KATNAL1: variants seen among roughly 807,000 people sequenced by gnomAD.
KATNAL1 encodes the protein katanin p60 ATPase-containing subunit A-like 1.
KATNAL1 carries 32 observed loss-of-function variants against 55.2 expected under a neutral mutation model. The ratio of observed to expected loss-of-function variants is 0.58; its 90% confidence interval spans 0.44 to 0.78. The LOEUF (loss-of-function observed/expected upper bound fraction) is 0.78. Among genes scored for constraint, KATNAL1 ranks in the 30% least tolerant of loss-of-function variants. KATNAL1 has a pLI of 0.00. For missense variants in KATNAL1, 466 were observed against 600.9 expected (o/e 0.78, Z 2.35); for synonymous variants, 193 against 193.6 (o/e 1.00, Z 0.02).
At chr13:30,212,953 T>A (rs1459870745) in intron 9 of KATNAL1, among the ~76,000 whole-genome samples, 1 of 152,046 alleles carries the variant, frequency 6.6e-6, no homozygotes, top group South Asian at 2.1e-4. Context: ...GGTGTCCTTA[T>A]AAGAAGAAGC....
At chr13:30,210,476 T>G in intron 9 of KATNAL1, 34 bp from the exon 10 acceptor site, 1 of 1,570,666 alleles carries the variant, frequency 6.4e-7, no homozygotes, top group Admixed American at 2.0e-5. Context: ...TGTTAGATGT[T>G]TTACTTTACA....
At position 30,301,420 on chromosome 13, in the gene KATNAL1, C is replaced by T. The variant is rs143869928; in HGVS notation, c.-15+5911G>A. Among the ~76,000 whole-genome samples the T allele has an allele frequency of 2.4e-3, 371 of 152,202 alleles. 2 individuals carry two copies. The highest frequency in any genetic ancestry group is 8.8e-3 in the African/African-American group (367 of 41,540). ...AAACTTTATCTAATTGCATAAATAC[C>T]CTTTTTAGCACAAAAATAATAGTAG... On this transcript the variant is annotated intron_variant, in intron 1 of 10. Coordinates refer to ENST00000380615, the MANE Select transcript of KATNAL1 (RefSeq NM_032116.5).
At chr13:30,284,952 A>T (rs1443681011) in intron 1 of KATNAL1, among the ~76,000 whole-genome samples, 2 of 152,226 alleles carry the variant, frequency 1.3e-5, no homozygotes, top group African/African-American at 4.8e-5. Context: ...TTGCCTTCTG[A>T]TTTCCAGGAA....
At chr13:30,295,055 T>C (rs1362885162) in intron 1 of KATNAL1, among the ~76,000 whole-genome samples, 3 of 152,258 alleles carry the variant, frequency 2.0e-5, no homozygotes, top group Admixed American at 1.3e-4. Context: ...AGCTCTGATG[T>C]AGATGTACAA....
intron 9 of KATNAL1, among the ~76,000 whole-genome samples, chr13:30,216,466 A>G (rs929517914): frequency 3.3e-5 from 5 of 152,196 alleles, no homozygotes; most frequent in African/African-American, 1.2e-4. Context: ...CCACAAACAC[A>G]CAGTGAGACC....
At chr13:30,263,859 GA>G (rs1879515942) in intron 3 of KATNAL1, among the ~76,000 whole-genome samples, 1 of 146,666 alleles carries the variant, frequency 6.8e-6, no homozygotes, top group Non-Finnish European at 1.5e-5. Flanking sequence ...TTTCTTCACA[GA>G]ATTGGAAAAA....
intron 4 of KATNAL1, among the ~76,000 whole-genome samples, chr13:30,243,841 C>T (rs568242150): frequency 6.6e-6 from 1 of 152,264 alleles, no homozygotes; most frequent in South Asian, 2.1e-4. Context: ...CCTGTAAAGC[C>T]ACTGCCTCTC....
chr13:30,259,026 C>T (rs1255710981), intron 3 of KATNAL1, among the ~76,000 whole-genome samples: 1 of 152,140 alleles, frequency 6.6e-6, no homozygotes, highest in African/African-American at 2.4e-5. Context: ...ATGAAAGGCA[C>T]TATGCTATAC....
chr13:30,233,420 A>G (rs1876307800), intron 6 of KATNAL1, among the ~76,000 whole-genome samples: 2 of 152,262 alleles, frequency 1.3e-5, no homozygotes, highest in South Asian at 2.1e-4. Context: ...ATCTCGCTCC[A>G]ATTAAAATGG....
In KATNAL1 at chr13:30,241,080, T is replaced by A; in HGVS notation, c.499A>T (p.Lys167Ter). The change falls in exon 5 of 11, where the codon AAG becomes TAG. Residue 167 changes from lysine (K) to a stop codon, truncating the protein, a stop_gained. Coordinates refer to ENST00000380615, the MANE Select transcript of KATNAL1 (RefSeq NM_032116.5). LOFTEE classifies it high-confidence loss of function. Reference protein sequence around the residue: ...RARGRDDKGRKNMQDGASDGE... With the variant: ...RARGRDDKGR Reference sequence around the variant, plus strand: ...TCACTTGCACCATCTTGCATATTCTTCCTTCCCTGGGGATAGGTATAAAAA... The same window carrying A: ...TCACTTGCACCATCTTGCATATTCTACCTTCCCTGGGGATAGGTATAAAAA... 1 of 1,612,652 alleles carries A rather than the reference T, an allele frequency of 6.2e-7. No homozygotes were observed. The highest frequency in any genetic ancestry group is 8.5e-7 in the Non-Finnish European group (1 of 1,179,646).
intron 3 of KATNAL1, among the ~76,000 whole-genome samples, chr13:30,274,891 A>ACGCGCG (rs138328965): frequency 1.0e-3 from 126 of 122,152 alleles, no homozygotes; most frequent in African/African-American, 1.8e-3. Context: ...GCACACACAT[A>ACGCGCG]CGCGCGCGCG....
intron 3 of KATNAL1, among the ~76,000 whole-genome samples, chr13:30,279,126 C>G (rs1459695732): frequency 6.6e-6 from 1 of 152,166 alleles, no homozygotes; most frequent in Non-Finnish European, 1.5e-5. Flanking sequence ...ATAAAGCAGA[C>G]AGAAAGCCAG....
chr13:30,231,187 G>A (rs1470425689), intron 7 of KATNAL1, 127 bp downstream of exon 7: 6 of 646,330 alleles, frequency 9.3e-6, no homozygotes, highest in Non-Finnish European at 1.5e-5. Context: ...TCATCAGTGT[G>A]TCAAGAACTA....
Position 30,227,561 on chromosome 13 carries a change from G to A in KATNAL1, c.1013-15C>T, listed in dbSNP as rs1566092803. 5.0e-6 allele frequency: 8 copies of A among 1,597,114 alleles called. No homozygotes were observed. Among genetic ancestry groups the A allele is most frequent in the Non-Finnish European group, 6.8e-6 (8 of 1,170,180 alleles). Reference sequence around the variant, plus strand: ...TCCTCCAACTCCTATACACAGTAAGGGAGGAAAAGATAGTGTTTTTCTTAC... The same window carrying A: ...TCCTCCAACTCCTATACACAGTAAGAGAGGAAAAGATAGTGTTTTTCTTAC... On this transcript the variant is annotated splice_polypyrimidine_tract_variant and intron_variant, in intron 8 of 10. Coordinates refer to ENST00000380615, the MANE Select transcript of KATNAL1 (RefSeq NM_032116.5).
intron 4 of KATNAL1, among the ~76,000 whole-genome samples, chr13:30,247,267 C>T (rs1877886709): frequency 6.6e-6 from 1 of 152,076 alleles, no homozygotes; most frequent in Admixed American, 6.6e-5. Flanking sequence ...AAATTGCATC[C>T]CACTCTTAAG....
At chr13:30,226,803 G>A (rs540683116) in intron 9 of KATNAL1, among the ~76,000 whole-genome samples, 11 of 152,308 alleles carry the variant, frequency 7.2e-5, no homozygotes, top group South Asian at 4.1e-4. Flanking sequence ...CAGGCTGGGC[G>A]TGGTGGTTCA....
intron 4 of KATNAL1, among the ~76,000 whole-genome samples, chr13:30,246,809 A>G (rs901450440): frequency 6.6e-6 from 1 of 152,240 alleles, no homozygotes; most frequent in Non-Finnish European, 1.5e-5. Flanking sequence ...ATCACTGGTC[A>G]TTAGAGAAAT....
At chr13:30,280,459 G>A (rs1048992186) in intron 2 of KATNAL1, among the ~76,000 whole-genome samples, 1 of 151,882 alleles carries the variant, frequency 6.6e-6, no homozygotes. Context: ...CTTTCATAAC[G>A]GAATTCCATT....
At chr13:30,283,559 T>C in intron 2 of KATNAL1, 57 bp downstream of exon 2, 1 of 1,513,862 alleles carries the variant, frequency 6.6e-7, no homozygotes, top group Non-Finnish European at 9.0e-7. Context: ...CTCTAATCTC[T>C]CAAGTATAAT....
Sources: allele counts gnomAD v4.1 joint callset (sites outside exome capture counted in the v4.1 genomes callset), GRCh38; gene constraint gnomAD v4.1.1; transcripts MANE v1.5; gene names NCBI Gene and HGNC (gene_info 2026-07-23, HGNC 2026-07-21).